Variants in PRDM11 observed in about 807,000 individuals in gnomAD.
The protein encoded by PRDM11 is PR domain-containing protein 11.
PRDM11 carries 20 observed loss-of-function variants against 97.8 expected under a neutral mutation model. The ratio of observed to expected loss-of-function variants is 0.20; its 90% CI spans 0.14 to 0.30. The LOEUF is 0.30. PRDM11 is among the 10% of genes least tolerant of loss of function. The probability of loss-of-function intolerance (pLI) is 1.00; values close to 1 mark genes in which losing one functional copy is unlikely to be tolerated. For missense variants in PRDM11, 1,139 were observed against 1,555.2 expected (o/e 0.73, Z 4.50); for synonymous variants, 599 against 637.7 (o/e 0.94, Z 0.91).
At chr11:45,163,114 G>GC (rs2135706117) in intron 1 of PRDM11, among the ~76,000 whole-genome samples, 1 of 152,250 alleles carries the variant, frequency 6.6e-6, no homozygotes, top group South Asian at 2.1e-4. Context: ...TCAGCTGTGT[G>GC]CCCCCGGGGA....
At chr11:45,207,140 C>T (rs896228513) in intron 5 of PRDM11, among the ~76,000 whole-genome samples, 15 of 152,190 alleles carry the variant, frequency 9.9e-5, no homozygotes, top group Admixed American at 1.3e-4. Context: ...GCCACGGAGA[C>T]GCCCCTCCTG....
At chr11:45,222,634 A>G (rs1249459829) in intron 6 of PRDM11, among the ~76,000 whole-genome samples, 1 of 152,212 alleles carries the variant, frequency 6.6e-6, no homozygotes, top group Non-Finnish European at 1.5e-5. Context: ...GAAAAGGTGC[A>G]TCCTGAATAG....
intron 1 of PRDM11, among the ~76,000 whole-genome samples, chr11:45,108,610 G>A (rs1852108742): frequency 6.6e-6 from 1 of 152,158 alleles, no homozygotes; most frequent in African/African-American, 2.4e-5. Flanking sequence ...GTGTCCTCAT[G>A]GTGGGGCCTC....
chr11:45,220,904 T>TTTGG (rs1372747495), intron 6 of PRDM11, among the ~76,000 whole-genome samples: 1 of 151,364 alleles, frequency 6.6e-6, no homozygotes, highest in Non-Finnish European at 1.5e-5. Flanking sequence ...GGGTGTTTTT[T>TTTGG]TTGTTTGTTT....
intron 1 of PRDM11, among the ~76,000 whole-genome samples, chr11:45,135,772 A>G (rs1383655959): frequency 6.6e-6 from 1 of 152,210 alleles, no homozygotes; most frequent in African/African-American, 2.4e-5. Context: ...TGGCATTCCC[A>G]TCAAAATCCC....
chr11:45,103,228 C>G (rs983043198), intron 1 of PRDM11, among the ~76,000 whole-genome samples: 1 of 152,196 alleles, frequency 6.6e-6, no homozygotes, highest in African/African-American at 2.4e-5. Context: ...ACCACCCCGC[C>G]GGGCCTGCCT....
chr11:45,142,687 A>T (rs879529883), upstream of PRDM11, among the ~76,000 whole-genome samples: 1 of 152,142 alleles, frequency 6.6e-6, no homozygotes, highest in Non-Finnish European at 1.5e-5. Context: ...AGGCATTTTG[A>T]TCTTAGCCAC....
At chr11:45,126,589 C>T (rs1852579133) in intron 1 of PRDM11, among the ~76,000 whole-genome samples, 1 of 152,110 alleles carries the variant, frequency 6.6e-6, no homozygotes, top group African/African-American at 2.4e-5. Context: ...TTCTCCTTCG[C>T]TTATGAAGCT....
rs1417792546 is a variant in PRDM11 at position 45,124,086 on chromosome 11, T to C, written c.96+28185T>C. Among the ~76,000 whole-genome samples, 23 of 148,794 alleles carry C rather than the reference T, an allele frequency of 1.5e-4. No homozygotes were observed. In the East Asian group the frequency reaches 4.3e-3, roughly 28 times the overall value. ...ATCCCTTGTAAGTTGGATTCCTAGG[T>C]ATTTTATTCTCTTTGAAGCAATTGT... On this transcript the variant is annotated intron_variant, in intron 1 of 6. Coordinates refer to the PRDM11 transcript ENST00000530656.
chr11:45,137,279 A>G (rs12288801), intron 1 of PRDM11, among the ~76,000 whole-genome samples: 1,886 of 151,006 alleles, frequency 0.012, 31 homozygotes, highest in African/African-American at 0.043. Flanking sequence ...CTAAAAATAT[A>G]AAAATTAGCC....
intron 5 of PRDM11, among the ~76,000 whole-genome samples, chr11:45,211,212 G>A (rs1282957798): frequency 6.6e-6 from 1 of 152,156 alleles, no homozygotes; most frequent in Non-Finnish European, 1.5e-5. Context: ...GATGGCTGCT[G>A]TCCCACCAAA....
At chr11:45,186,143 T>C (rs534260826) in intron 4 of PRDM11, among the ~76,000 whole-genome samples, 5 of 152,342 alleles carry the variant, frequency 3.3e-5, no homozygotes, top group African/African-American at 1.2e-4. Context: ...TACATGTGTG[T>C]TGTTTTAAGC....
At chr11:45,141,264 G>A (rs1851398955) in intron 1 of PRDM11, among the ~76,000 whole-genome samples, 1 of 152,114 alleles carries the variant, frequency 6.6e-6, no homozygotes, top group African/African-American at 2.4e-5. Context: ...CAGCCTCCAA[G>A]GTGACCACCA....
At chr11:45,100,241 G>C (rs1386738444) in intron 1 of PRDM11, among the ~76,000 whole-genome samples, 4 of 152,092 alleles carry the variant, frequency 2.6e-5, no homozygotes, top group Admixed American at 1.3e-4. Context: ...ATACTGATTC[G>C]CTAATTGTCC....
At chr11:45,169,116 G>T (rs992851178) in intron 1 of PRDM11, among the ~76,000 whole-genome samples, 1 of 152,020 alleles carries the variant, frequency 6.6e-6, no homozygotes, top group Non-Finnish European at 1.5e-5. Context: ...AGGCAACCTG[G>T]GACTTGTATT....
At chr11:45,098,589 G>C (rs1254227810) in intron 1 of PRDM11, among the ~76,000 whole-genome samples, 1 of 152,194 alleles carries the variant, frequency 6.6e-6, no homozygotes, top group Non-Finnish European at 1.5e-5. Flanking sequence ...GCTGGGATTT[G>C]CATCCATGTG....
At chr11:45,097,139 G>GC (rs981136352) in intron 1 of PRDM11, among the ~76,000 whole-genome samples, 6 of 152,180 alleles carry the variant, frequency 3.9e-5, no homozygotes, top group Non-Finnish European at 7.3e-5. Context: ...CCTGTATGCA[G>GC]CCCCCCATAC....
At chr11:45,125,303 T>C (rs1366042656) in intron 1 of PRDM11, among the ~76,000 whole-genome samples, 2 of 152,052 alleles carry the variant, frequency 1.3e-5, no homozygotes, top group Non-Finnish European at 2.9e-5. Flanking sequence ...CCTGGATTCA[T>C]TAATTTTTTG....
intron 6 of PRDM11, among the ~76,000 whole-genome samples, chr11:45,220,907 G>T (rs1037584185): frequency 2.0e-5 from 3 of 151,720 alleles, no homozygotes; most frequent in Admixed American, 6.6e-5. Context: ...TGTTTTTTTT[G>T]TTTGTTTGTT....
Sources: allele counts gnomAD v4.1 joint callset (sites outside exome capture counted in the v4.1 genomes callset), GRCh38; gene constraint gnomAD v4.1.1; transcripts MANE v1.5; gene names NCBI Gene and HGNC (gene_info 2026-07-23, HGNC 2026-07-21).